The following PCDHA9 variants were observed in gnomAD, a reference collection of about 807,000 sequenced individuals.
PCDHA9 encodes the protein protocadherin alpha-9.
Under a neutral mutation model 62.0 loss-of-function variants are expected in PCDHA9, and 62 were observed. That is an observed-to-expected ratio of 1.00 (90% CI 0.81 to 1.23). The LOEUF (loss-of-function observed/expected upper bound fraction) is 1.23, where lower values mean the gene tolerates loss of function less well. Ranked by LOEUF, PCDHA9 falls within the 50% of genes most tolerant of loss-of-function variation. The pLI, the probability that PCDHA9 is intolerant of heterozygous loss-of-function variation, is 0.00. For missense variants in PCDHA9, 1,205 were observed against 1,249.8 expected, an observed-to-expected ratio of 0.96 and a Z score of 0.54; for synonymous variants, 557 against 567.6, an observed-to-expected ratio of 0.98 and a Z score of 0.27.
chr5:140,917,746 G>T (rs1200600528), intron 1 of PCDHA9, among the ~76,000 whole-genome samples: 2 of 152,122 alleles, frequency 1.3e-5, no homozygotes, highest in Non-Finnish European at 2.9e-5. Context: ...CTGTCCCATT[G>T]GTCTATGTGT....
intron 1 of PCDHA9, chr5:140,871,159 G>A (rs781816033): frequency 1.2e-6 from 2 of 1,613,450 alleles, no homozygotes; most frequent in African/African-American, 1.3e-5. Flanking sequence ...GGCGGGCGCC[G>A]CGAGCCCAGA....
chr5:140,913,462 G>A (rs1300773586), intron 1 of PCDHA9, among the ~76,000 whole-genome samples: 1 of 151,764 alleles, frequency 6.6e-6, no homozygotes, highest in African/African-American at 2.4e-5. Context: ...TTATTTACTT[G>A]GGTCTTCTCT....
At chr5:140,956,554 G>C (rs546505112) in intron 1 of PCDHA9, among the ~76,000 whole-genome samples, 1 of 152,318 alleles carries the variant, frequency 6.6e-6, no homozygotes, top group East Asian at 1.9e-4. Flanking sequence ...TGGTTTGCCA[G>C]TATCTTATTG....
intron 1 of PCDHA9, among the ~76,000 whole-genome samples, chr5:140,884,893 G>T (rs1186873075): frequency 1.3e-5 from 2 of 152,138 alleles, no homozygotes; most frequent in East Asian, 1.9e-4. Context: ...AGAATATTTT[G>T]TTTCTGTTGT....
intron 1 of PCDHA9, chr5:140,968,638 A>T: frequency 6.2e-7 from 1 of 1,614,184 alleles, no homozygotes; most frequent in Non-Finnish European, 8.5e-7. Context: ...TTTACCATCT[A>T]GCCCAGACTT....
chr5:140,974,553 C>G (rs1554236197), intron 1 of PCDHA9, among the ~76,000 whole-genome samples: 1 of 151,870 alleles, frequency 6.6e-6, no homozygotes, highest in African/African-American at 2.4e-5. Context: ...CTCTTGTTGC[C>G]CAGGCTGGAG....
At chr5:140,871,955 G>C in intron 1 of PCDHA9, among the ~76,000 whole-genome samples, 1 of 152,196 alleles carries the variant, frequency 6.6e-6, no homozygotes, top group East Asian at 1.9e-4. Flanking sequence ...TTTCTAAAGG[G>C]AGGAGGTCTT....
At chr5:141,002,184 T>A (rs1554258557) in intron 3 of PCDHA9, among the ~76,000 whole-genome samples, 1 of 152,218 alleles carries the variant, frequency 6.6e-6, no homozygotes, top group East Asian at 1.9e-4. Flanking sequence ...CAGAGTGCTG[T>A]CTGGCAAGAT....
chr5:140,986,587 C>G (rs1194407522), intron 3 of PCDHA9, among the ~76,000 whole-genome samples: 1 of 152,208 alleles, frequency 6.6e-6, no homozygotes, highest in East Asian at 1.9e-4. Flanking sequence ...TCCAGCTCCT[C>G]TTTCTACATT....
chr5:140,849,234 T>C lies in PCDHA9; in HGVS notation c.739T>C (p.Tyr247His). The C allele has an allele frequency of 2.9e-6, 3 of 1,050,956 alleles. No individual in the cohort carries two copies. Among genetic ancestry groups the C allele is most frequent in the Non-Finnish European group, 4.0e-6 (3 of 752,298 alleles). 65.1% of individuals were successfully genotyped at this position (1,050,956 alleles called of 1,614,324 possible). ...DNAPVFDRTL[Y>H]TVKLPENVSI... ...TGCCCCAGTGTTCGACAGAACCCTG[T>C]ATACGGTGAAATTACCAGAAAACGT... Residue 247 changes from tyrosine (Y) to histidine (H), a missense_variant, in exon 1 of 4, where the codon TAT (tyrosine) becomes CAT (histidine). Transcript: ENST00000532602.
chr5:140,858,155 T>C (rs782113419), intron 1 of PCDHA9: 1 of 1,597,742 alleles, frequency 6.3e-7, no homozygotes, highest in African/African-American at 1.3e-5. Context: ...CATCGCCATC[T>C]GCGCGGTGTC....
chr5:140,982,584 C>T (rs1554244599), intron 3 of PCDHA9, 21 bp downstream of exon 3: 1 of 1,612,032 alleles, frequency 6.2e-7, no homozygotes, highest in East Asian at 2.2e-5. Flanking sequence ...GGGGTCTCTC[C>T]ATTCTTTCTT....
At chr5:140,875,878 A>C (rs782804026) in intron 1 of PCDHA9, 2 of 1,614,212 alleles carry the variant, frequency 1.2e-6, no homozygotes, top group East Asian at 4.5e-5. Context: ...GTTCAGAGAA[A>C]GGGAACAAAA....
intron 1 of PCDHA9, among the ~76,000 whole-genome samples, chr5:140,931,244 T>C (rs1161128281): frequency 6.6e-6 from 1 of 152,168 alleles, no homozygotes; most frequent in Non-Finnish European, 1.5e-5. Context: ...ACACTTTTCC[T>C]ACCAAGAAAT....
chr5:141,006,275 G>A (rs782763386), intron 3 of PCDHA9, among the ~76,000 whole-genome samples: 1 of 151,772 alleles, frequency 6.6e-6, no homozygotes. Flanking sequence ...GCAGTGGCAC[G>A]ATCTCAGCTC....
At chr5:140,920,239 A>G (rs1584173491) in intron 1 of PCDHA9, among the ~76,000 whole-genome samples, 1 of 152,356 alleles carries the variant, frequency 6.6e-6, no homozygotes, top group Middle Eastern at 3.4e-3. Context: ...TATATACCCA[A>G]CAATACATCG....
At chr5:140,851,199 C>T in intron 1 of PCDHA9, 2 of 1,195,966 alleles carry the variant, frequency 1.7e-6, no homozygotes, top group Non-Finnish European at 2.1e-6. Context: ...AGTTGTTAGT[C>T]ATTCATTAAA....
chr5:140,849,170 C>A lies in PCDHA9; in HGVS notation c.675C>A (p.Thr225=), dbSNP rs2150431916. 4.4e-5 allele frequency: 49 copies of A among 1,111,512 alleles called. No homozygotes were observed. The African/African-American group carries it at 7.8e-4, about 18-fold the overall frequency. 68.9% of individuals were successfully genotyped at this position (1,111,512 alleles called of 1,614,324 possible). ...GAGGCAAACCCGAGCTGACTGGCAC[C>A]GTTCAATTACTCATCACGGTACTGG... ...TDGGKPELTG[T]VQLLITVLDN... is the part of the protein sequence containing the mutation. Residue 225 remains threonine, a synonymous_variant, in exon 1 of 4, where the codon ACC becomes ACA. Transcript: ENST00000532602.
At chr5:140,971,661 TAGAG>T (rs2096491377) in intron 1 of PCDHA9, among the ~76,000 whole-genome samples, 1 of 152,064 alleles carries the variant, frequency 6.6e-6, no homozygotes, top group Non-Finnish European at 1.5e-5. Context: ...AGATGGGAAT[TAGAG>T]AGGAAGAGTA....
Sources: gnomAD v4.1 joint callset for allele counts (sites outside exome capture counted in the v4.1 genomes callset) on GRCh38, gnomAD v4.1.1 for gene constraint, MANE v1.5 for transcripts, NCBI Gene and HGNC (gene_info 2026-07-23, HGNC 2026-07-21) for gene names.